The following PLCE1 variants were observed in gnomAD, a reference collection of about 807,000 sequenced individuals.
PLCE1 encodes the protein 1-phosphatidylinositol 4,5-bisphosphate phosphodiesterase epsilon-1.
Under a neutral mutation model 242.8 loss-of-function variants are expected in PLCE1, and 119 were observed. The ratio of observed to expected loss-of-function variants is 0.49; its 90% confidence interval spans 0.42 to 0.57. The LOEUF (loss-of-function observed/expected upper bound fraction) is 0.57. Among genes scored for constraint, PLCE1 ranks in the 20% least tolerant of loss-of-function variants. The pLI is 0.00. For synonymous variants in PLCE1, 945 were observed against 1,017.4 expected (o/e 0.93, Z 1.35); for missense variants, 2,441 against 2,788.8 (o/e 0.88, Z 2.81).
intron 3 of PLCE1, among the ~76,000 whole-genome samples, chr10:94,167,043 A>G (rs1293739550): frequency 1.3e-5 from 2 of 152,226 alleles, no homozygotes; most frequent in African/African-American, 4.8e-5. Context: ...TAATCCTAGC[A>G]CTTTGGGAGG....
intron 18 of PLCE1, 101 bp from the exon 19 acceptor site, chr10:94,273,461 T>C: frequency 8.6e-7 from 1 of 1,164,544 alleles, no homozygotes; most frequent in East Asian, 2.6e-5. Flanking sequence ...TTTTAAATAA[T>C]TCAACCAGTC....
intron 2 of PLCE1, among the ~76,000 whole-genome samples, chr10:94,117,165 G>C (rs1269169511): frequency 6.6e-6 from 1 of 152,188 alleles, no homozygotes; most frequent in East Asian, 1.9e-4. Context: ...GCAAGGTTGG[G>C]ACTCTTGTGG....
intron 4 of PLCE1, among the ~76,000 whole-genome samples, chr10:94,193,056 A>C (rs1011283923): frequency 7.9e-5 from 12 of 152,254 alleles, no homozygotes; most frequent in African/African-American, 2.9e-4. Context: ...GTCAGGGCTG[A>C]GTAGTTGCAA....
intron 8 of PLCE1, among the ~76,000 whole-genome samples, chr10:94,247,379 G>T (rs1029258804): frequency 2.0e-5 from 3 of 151,486 alleles, no homozygotes; most frequent in Non-Finnish European, 4.4e-5. Context: ...GATCATTGTA[G>T]TTCTCCCATC....
chr10:94,311,260 C>G (rs2053379073), intron 27 of PLCE1, among the ~76,000 whole-genome samples: 1 of 152,206 alleles, frequency 6.6e-6, no homozygotes, highest in Non-Finnish European at 1.5e-5. Flanking sequence ...TCAGTTCAGT[C>G]TTCAGCCCCC....
At chr10:94,326,859 G>A (rs1401004573) in intron 32 of PLCE1, among the ~76,000 whole-genome samples, 1 of 151,980 alleles carries the variant, frequency 6.6e-6, no homozygotes, top group Non-Finnish European at 1.5e-5. Context: ...TCACAGCTTT[G>A]CTTAAAGCTG....
rs1589513227 is a variant in PLCE1 at position 94,306,969 on chromosome 10, A to G, written c.5884+281A>G. Among the ~76,000 whole-genome samples the G allele has an allele frequency of 6.6e-6, 1 of 152,182 alleles. No individual in the cohort carries two copies. Among genetic ancestry groups the G allele is most frequent in the South Asian group, 2.1e-4 (1 of 4,834 alleles). The stretch of plus-strand genomic sequence containing the variant: ...AGCAGTGGTTGTTGCTACCCACGGC[A>G]CTGCTGGCAGTTTGAAAGCAGGGAT... On this transcript the variant is annotated intron_variant, in intron 26 of 32. Transcript: ENST00000371380. This position sits in a 1 kb window ranked among gnomAD's most constrained non-coding sequence, Gnocchi z 5.7.
chr10:94,146,725 T>G (rs2047125391), intron 3 of PLCE1, among the ~76,000 whole-genome samples: 3 of 152,240 alleles, frequency 2.0e-5, no homozygotes, highest in Admixed American at 2.0e-4. Context: ...ATGTCTTCTT[T>G]CGGCTGCCTA....
At chr10:94,212,418 A>G in intron 4 of PLCE1, among the ~76,000 whole-genome samples, 1 of 152,072 alleles carries the variant, frequency 6.6e-6, no homozygotes, top group Non-Finnish European at 1.5e-5. Flanking sequence ...CACTACGCCC[A>G]GCTGATTTTT....
intron 2 of PLCE1, among the ~76,000 whole-genome samples, chr10:94,106,912 T>TTCTCTC (rs771182277): frequency 0.041 from 1,575 of 38,734 alleles, 83 homozygotes; most frequent in Non-Finnish European, 0.05. Context: ...TGTCTCTTGT[T>TTCTCTC]TCTCTCTCTC....
At position 94,246,641 on chromosome 10, in the gene PLCE1, C is replaced by T. The variant is rs756277643; in HGVS notation, c.3096+20C>T. The T allele has an allele frequency of 2.5e-6, 4 of 1,607,320 alleles. No homozygotes were observed. Among genetic ancestry groups the T allele is most frequent in the Non-Finnish European group, 3.4e-6 (4 of 1,176,016 alleles). Reference sequence around the variant, plus strand: ...TATCAGGTAAGGGGTGCAGCCATCCCTCTTTCCTCACTGGCATAATACTCA... The same window carrying T: ...TATCAGGTAAGGGGTGCAGCCATCCTTCTTTCCTCACTGGCATAATACTCA... On this transcript the variant is annotated intron_variant, in intron 8 of 32. Transcript: ENST00000371380.
chr10:94,254,228 C>A lies in PLCE1; in HGVS notation c.3318C>A (p.Thr1106=), dbSNP rs2050984391. ...SGEVTDDEMA[T]RKAKMHKECR... is the part of the protein sequence containing the mutation. ...AGGTAACTGACGATGAGATGGCAAC[C>A]CGAAAGGCCAAGATGCACAAAGAGT... The change falls in exon 10 of 33, where the codon ACC becomes ACA. Residue 1106 remains threonine, a synonymous_variant. Coordinates refer to ENST00000371380, the MANE Select transcript of PLCE1 (RefSeq NM_016341.4). 6.2e-7 allele frequency: 1 copy of A among 1,613,984 alleles called. No individual in the cohort carries two copies.
chr10:94,000,523 A>G (rs1208615272), intron 1 of PLCE1, among the ~76,000 whole-genome samples: 2 of 152,236 alleles, frequency 1.3e-5, no homozygotes, highest in African/African-American at 4.8e-5. Context: ...AGCTTCTTTG[A>G]TAATTTTATA....
chr10:94,273,602 A>G lies in PLCE1; in HGVS notation c.4547A>G (p.Glu1516Gly), dbSNP rs2051830475. Residue 1516 changes from glutamate (E) to glycine (G), a missense_variant, in exon 19 of 33, where the codon GAG (glutamate) becomes GGG (glycine). By Grantham distance (98) the Glu-to-Gly change is moderately conservative. Around this residue, in one of 5 missense-constraint regions of PLCE1, gnomAD observed 1,004 missense variants for 1,322.7 expected, o/e 0.76. Transcript: ENST00000371380. ...GEKLVTKFLF[E>G]TDFSDDPMLP... ...AAGCTGGTGACTAAATTCTTATTTG[A>G]GACTGATTTCTCAGATGATCCAATG... 6.2e-7 allele frequency: 1 copy of G among 1,613,796 alleles called. No homozygotes were observed. The highest frequency in any genetic ancestry group is 8.5e-7 in the Non-Finnish European group (1 of 1,179,828).
chr10:94,022,450 C>T (rs1023898261), intron 1 of PLCE1, among the ~76,000 whole-genome samples: 1 of 151,526 alleles, frequency 6.6e-6, no homozygotes, highest in Non-Finnish European at 1.5e-5. Flanking sequence ...TGTGTATATG[C>T]ATATATATTT....
At chr10:94,207,169 G>C (rs1202763776) in intron 4 of PLCE1, among the ~76,000 whole-genome samples, 1 of 152,152 alleles carries the variant, frequency 6.6e-6, no homozygotes, top group African/African-American at 2.4e-5. Flanking sequence ...TGGGGAGGGT[G>C]TGGGAGCTTC....
At chr10:94,217,592 G>A (rs2049573963) in intron 4 of PLCE1, among the ~76,000 whole-genome samples, 1 of 152,190 alleles carries the variant, frequency 6.6e-6, no homozygotes, top group South Asian at 2.1e-4. Context: ...ACTATGGTGA[G>A]AGAGAAGAGG....
At chr10:94,107,825 T>C (rs1405664251) in intron 2 of PLCE1, 1 of 152,192 alleles carries the variant, frequency 6.6e-6, no homozygotes, top group Non-Finnish European at 1.5e-5. Context: ...CCAGAATCTC[T>C]CTACTTCTTA....
At chr10:94,289,257 G>T (rs1219077290) in intron 22 of PLCE1, among the ~76,000 whole-genome samples, 1 of 152,134 alleles carries the variant, frequency 6.6e-6, no homozygotes, top group Non-Finnish European at 1.5e-5. Flanking sequence ...AGCATGGCAG[G>T]CAAGGCACTC....
Sources: gnomAD v4.1 joint callset for allele counts (sites outside exome capture counted in the v4.1 genomes callset) on GRCh38, gnomAD v4.1.1 for gene constraint, gnomAD v4.1.1 regional missense constraint, Gnocchi (gnomAD v3.1) non-coding constraint, MANE v1.5 for transcripts, NCBI Gene and HGNC (gene_info 2026-07-23, HGNC 2026-07-21) for gene names.